MARCHF3: variants seen among roughly 807,000 people sequenced by gnomAD.
MARCHF3 encodes membrane associated ring-CH-type finger 3, also known as E3 ubiquitin-protein ligase MARCHF3.
In MARCHF3, 13 loss-of-function variants were observed where a neutral mutation model predicts 24.2. The observed-to-expected ratio is 0.54, with a 90% CI of 0.35 to 0.85. The LOEUF (loss-of-function observed/expected upper bound fraction) is 0.85. Among genes scored for constraint, MARCHF3 ranks in the 40% least tolerant of loss-of-function variants. MARCHF3 has a pLI of 0.01. For synonymous variants in MARCHF3, 144 were observed against 137.3 expected, an observed-to-expected ratio of 1.05 and a Z score of -0.34; for missense variants, 276 against 325.0, an observed-to-expected ratio of 0.85 and a Z score of 1.16.
intron 1 of MARCHF3, among the ~76,000 whole-genome samples, chr5:126,997,875 C>T (rs1477613078): frequency 6.6e-6 from 1 of 152,248 alleles, no homozygotes; most frequent in East Asian, 1.9e-4. Flanking sequence ...AGCAAAGAAA[C>T]ATAGCCGGTT....
chr5:126,981,072 T>A (rs920746825), intron 1 of MARCHF3, among the ~76,000 whole-genome samples: 5 of 152,186 alleles, frequency 3.3e-5, no homozygotes, highest in Admixed American at 6.5e-5. Context: ...TTCTTCAAAC[T>A]GATTGTTAGT....
intron 1 of MARCHF3, among the ~76,000 whole-genome samples, chr5:127,013,596 G>A (rs1015989112): frequency 6.6e-6 from 1 of 152,156 alleles, no homozygotes; most frequent in African/African-American, 2.4e-5. Flanking sequence ...AGGGAAGTAC[G>A]ATGCAGACAA....
chr5:126,956,460 A>C (rs1017142825), intron 1 of MARCHF3, among the ~76,000 whole-genome samples: 2 of 151,892 alleles, frequency 1.3e-5, no homozygotes, highest in African/African-American at 4.8e-5. Context: ...AAATACAGTG[A>C]AACTCTGTCT....
At chr5:126,990,035 G>T (rs1281513391) in intron 1 of MARCHF3, among the ~76,000 whole-genome samples, 8 of 149,366 alleles carry the variant, frequency 5.4e-5, no homozygotes. Flanking sequence ...CACAGAATTA[G>T]AAAAAACTAC....
chr5:127,023,932 G>A (rs1453074224), intron 1 of MARCHF3, among the ~76,000 whole-genome samples: 1 of 152,110 alleles, frequency 6.6e-6, no homozygotes, highest in Non-Finnish European at 1.5e-5. Context: ...TGCATTGGAT[G>A]ACAAAAGGAA....
chr5:126,962,903 T>C (rs562062319), intron 1 of MARCHF3, among the ~76,000 whole-genome samples: 20 of 151,968 alleles, frequency 1.3e-4, no homozygotes, highest in African/African-American at 4.8e-4. Flanking sequence ...AAAACAAATA[T>C]GCACTTGTGA....
At chr5:126,911,795 G>C (rs893992651) in intron 3 of MARCHF3, among the ~76,000 whole-genome samples, 1 of 152,226 alleles carries the variant, frequency 6.6e-6, no homozygotes, top group African/African-American at 2.4e-5. Flanking sequence ...GGTAGGCAAG[G>C]TAGGTAAAGT....
intron 1 of MARCHF3, among the ~76,000 whole-genome samples, chr5:127,025,262 T>C (rs1322551236): frequency 6.6e-6 from 1 of 151,086 alleles, no homozygotes; most frequent in African/African-American, 2.4e-5. Context: ...GCCACACTAT[T>C]ATATATGCCT....
intron 3 of MARCHF3, among the ~76,000 whole-genome samples, chr5:126,894,112 C>T (rs1753790004): frequency 7.2e-6 from 1 of 139,118 alleles, no homozygotes; most frequent in Non-Finnish European, 1.5e-5. Flanking sequence ...AGGATTGCAA[C>T]CCCTGCCTTT....
chr5:127,009,425 A>G (rs73337299), intron 1 of MARCHF3, among the ~76,000 whole-genome samples: 12,022 of 152,244 alleles, frequency 0.079, 960 homozygotes, highest in African/African-American at 0.21. Context: ...GAGAACTTAA[A>G]ATAATAAAGG....
At chr5:126,971,752 C>A (rs996553785) in intron 1 of MARCHF3, among the ~76,000 whole-genome samples, 2 of 152,166 alleles carry the variant, frequency 1.3e-5, no homozygotes, top group East Asian at 1.9e-4. Context: ...GCATTTTAAT[C>A]CCAGTAAGTG....
At chr5:126,969,107 T>G (rs538685833) in intron 1 of MARCHF3, among the ~76,000 whole-genome samples, 1 of 152,258 alleles carries the variant, frequency 6.6e-6, no homozygotes, top group East Asian at 1.9e-4. Flanking sequence ...TGTTTTCTTA[T>G]GAGTTTTATA....
rs1752957467 is a variant in MARCHF3 at position 127,025,295 on chromosome 5, A to G, written c.-57+5055T>C. 5.8e-5 allele frequency among the ~76,000 whole-genome samples: 8 copies of G among 137,732 alleles called. No individual in the cohort carries two copies. The South Asian group carries it at 2.0e-3, about 35-fold the overall frequency. The allele number at this position is 137,732 out of a possible 152,430, so 90.4% of individuals were successfully genotyped here. A position where few individuals can be genotyped will look rare whatever the true frequency, so the allele number is the denominator to read the frequency against. On this transcript the variant is annotated intron_variant, in intron 1 of 4. Transcript: ENST00000308660. Reference sequence around the variant, plus strand: ...CCTCTGATTAGACCCAGAGATGAGAAGGAAAAAGTTATTAAAAAAAAAAAA... The same window carrying G: ...CCTCTGATTAGACCCAGAGATGAGAGGGAAAAAGTTATTAAAAAAAAAAAA...
chr5:126,877,406 A>C (rs1254253977), intron 4 of MARCHF3, among the ~76,000 whole-genome samples: 1 of 152,224 alleles, frequency 6.6e-6, no homozygotes, highest in African/African-American at 2.4e-5. Context: ...ATATTCTAGA[A>C]GACAGTGATG....
chr5:126,988,912 G>A (rs2126841322), intron 1 of MARCHF3, among the ~76,000 whole-genome samples: 1 of 152,110 alleles, frequency 6.6e-6, no homozygotes, highest in East Asian at 1.9e-4. Context: ...AACTTTAAAA[G>A]GGAATAAAGA....
At chr5:127,026,565 T>C (rs1046721662) in intron 1 of MARCHF3, among the ~76,000 whole-genome samples, 3 of 152,126 alleles carry the variant, frequency 2.0e-5, no homozygotes, top group African/African-American at 7.2e-5. Context: ...AGAAACAATT[T>C]GAAGAAAAAG....
At chr5:126,922,712 A>G (rs559296765) in intron 1 of MARCHF3, among the ~76,000 whole-genome samples, 1 of 151,914 alleles carries the variant, frequency 6.6e-6, no homozygotes, top group Non-Finnish European at 1.5e-5. Flanking sequence ...ATGCCTGGCT[A>G]ATTTTTTATA....
intron 3 of MARCHF3, among the ~76,000 whole-genome samples, chr5:126,906,919 A>G (rs1393687555): frequency 1.3e-5 from 2 of 151,720 alleles, no homozygotes; most frequent in African/African-American, 4.8e-5. Flanking sequence ...TAGGGTGTCA[A>G]TTTTGGATCT....
chr5:126,922,723 T>A (rs974920858), intron 1 of MARCHF3, among the ~76,000 whole-genome samples: 33 of 151,998 alleles, frequency 2.2e-4, no homozygotes, highest in African/African-American at 7.3e-4. Context: ...ATTTTTTATA[T>A]TTTTAGTAGA....
Sources: gnomAD v4.1 joint callset for allele counts (sites outside exome capture counted in the v4.1 genomes callset) on GRCh38, gnomAD v4.1.1 for gene constraint, MANE v1.5 for transcripts, NCBI Gene and HGNC (gene_info 2026-07-23, HGNC 2026-07-21) for gene names.